Variants in TBC1D2B observed in about 807,000 individuals in gnomAD.
The protein encoded by TBC1D2B is TBC1 domain family member 2B.
TBC1D2B carries 64 observed loss-of-function variants against 100.8 expected under a neutral mutation model. The observed-to-expected ratio is 0.64, with a 90% confidence interval of 0.52 to 0.78. The LOEUF is 0.78. Ranked by LOEUF, TBC1D2B falls within the 30% of genes least tolerant of loss-of-function variation. TBC1D2B has a pLI of 0.00. For synonymous variants in TBC1D2B, 480 were observed against 479.7 expected, an observed-to-expected ratio of 1.00 and a Z score of -0.01; for missense variants, 1,052 against 1,218.4, an observed-to-expected ratio of 0.86 and a Z score of 2.03.
chr15:78,063,636 C>T (rs2073594574), intron 1 of TBC1D2B, among the ~76,000 whole-genome samples: 1 of 152,128 alleles, frequency 6.6e-6, no homozygotes, highest in African/African-American at 2.4e-5. Context: ...TCTATGATGG[C>T]CAACATGGTT....
At chr15:78,063,822 G>C (rs1000300069) in intron 1 of TBC1D2B, among the ~76,000 whole-genome samples, 7 of 152,014 alleles carry the variant, frequency 4.6e-5, no homozygotes, top group Non-Finnish European at 8.8e-5. Flanking sequence ...TCAGATTCAT[G>C]CATCCTGACA....
chr15:78,071,919 G>A (rs925502168), intron 1 of TBC1D2B, among the ~76,000 whole-genome samples: 8 of 152,316 alleles, frequency 5.3e-5, no homozygotes, highest in African/African-American at 1.9e-4. Context: ...TGGTCAATTT[G>A]GTTCCTGGCG....
chr15:78,019,336 T>A (rs1404966806), intron 6 of TBC1D2B, among the ~76,000 whole-genome samples: 3 of 152,058 alleles, frequency 2.0e-5, no homozygotes, highest in African/African-American at 7.2e-5. Context: ...ATTTTTGAGG[T>A]GAAGAATTGA....
In TBC1D2B at chr15:78,013,209, G is replaced by A. The variant is rs1189755902; in HGVS notation, c.1884C>T (p.Asn628=). The change falls in exon 9 of 13, where the codon AAC becomes AAT. Residue 628 remains asparagine (N), a synonymous_variant. Coordinates refer to ENST00000300584, the MANE Select transcript of TBC1D2B (RefSeq NM_144572.2). ...ACTTGACCCCAGTGGAGACTTCCTG[G>A]TTTTCTGTGAGGTAGAGAGTCTTCA... ...LDLKTLYLTE[N]QEVSTGVKWE... 6.2e-7 allele frequency: 1 copy of A among 1,613,930 alleles called. No homozygotes were observed. Among genetic ancestry groups the A allele is most frequent in the Non-Finnish European group, 8.5e-7 (1 of 1,179,886 alleles).
At chr15:78,043,498 C>G (rs1403543915) in intron 3 of TBC1D2B, among the ~76,000 whole-genome samples, 1 of 152,140 alleles carries the variant, frequency 6.6e-6, no homozygotes, top group Non-Finnish European at 1.5e-5. Flanking sequence ...CTCTTGGCCT[C>G]AAGTGATTTT....
chr15:78,023,291 G>T lies in TBC1D2B; in HGVS notation c.1470+865C>A, dbSNP rs2072562226. ...AGACCAGTAGCTACAGACATGTCTG[G>T]GGTCTGCTGGGGTCAAACAGGCTAT... On this transcript the variant is annotated intron_variant, in intron 6 of 12. Coordinates refer to ENST00000300584, the MANE Select transcript of TBC1D2B (RefSeq NM_144572.2). Among the ~76,000 whole-genome samples, 2 of 152,122 alleles carry T rather than the reference G, an allele frequency of 1.3e-5. 1 individual carries two copies. Among genetic ancestry groups the T allele is most frequent in the South Asian group, 4.1e-4 (2 of 4,824 alleles).
At chr15:78,050,501 A>G (rs2073291560) in intron 2 of TBC1D2B, among the ~76,000 whole-genome samples, 1 of 152,242 alleles carries the variant, frequency 6.6e-6, no homozygotes, top group African/African-American at 2.4e-5. Context: ...TGCTAGACAT[A>G]CATCCTGTAA....
intron 1 of TBC1D2B, among the ~76,000 whole-genome samples, chr15:78,071,380 T>C (rs1405872363): frequency 1.3e-5 from 2 of 152,238 alleles, no homozygotes; most frequent in Non-Finnish European, 2.9e-5. Flanking sequence ...GCTATACTCA[T>C]TCTGTGGTTG....
At chr15:78,029,953 T>G in intron 4 of TBC1D2B, 54 bp downstream of exon 4, 1 of 1,452,902 alleles carries the variant, frequency 6.9e-7, no homozygotes, top group South Asian at 1.4e-5. Context: ...ACATCACTGG[T>G]GGTTAACAGA....
chr15:78,024,117 C>A lies in TBC1D2B; in HGVS notation c.1470+39G>T, dbSNP rs371322780. 14 of 1,567,496 alleles carry A rather than the reference C, an allele frequency of 8.9e-6. No homozygotes were observed. In the African/African-American group the frequency reaches 1.3e-4, roughly 15 times the overall value. ...AGGCCTCTGGGGTGACATCGGTGGT[C>A]TCTCATGCCAATCACCAGAGCCCCT... is the stretch of plus-strand genomic sequence containing the variant. On this transcript the variant is annotated intron_variant, in intron 6 of 12. Coordinates refer to ENST00000300584, the MANE Select transcript of TBC1D2B (RefSeq NM_144572.2).
At chr15:78,060,911 C>G (rs1464959639) in intron 1 of TBC1D2B, among the ~76,000 whole-genome samples, 5 of 151,870 alleles carry the variant, frequency 3.3e-5, no homozygotes, top group Non-Finnish European at 5.9e-5. Flanking sequence ...CAGTGAAACT[C>G]TGTCTCAAAA....
intron 1 of TBC1D2B, among the ~76,000 whole-genome samples, chr15:78,063,078 T>C (rs759187650): frequency 6.6e-6 from 1 of 152,230 alleles, no homozygotes; most frequent in African/African-American, 2.4e-5. Context: ...TGGCACAAAG[T>C]ACTCATTAGG....
intron 4 of TBC1D2B, among the ~76,000 whole-genome samples, chr15:78,028,049 A>T (rs1012432741): frequency 6.6e-6 from 1 of 152,240 alleles, no homozygotes; most frequent in African/African-American, 2.4e-5. Flanking sequence ...TTACTCTCGC[A>T]ATAAAGGTTT....
Position 78,054,180 on chromosome 15 carries a change from T to A in TBC1D2B, c.368A>T (p.Asn123Ile). 6.2e-7 allele frequency: 1 copy of A among 1,609,698 alleles called. No individual in the cohort carries two copies. The highest frequency in any genetic ancestry group is 8.5e-7 in the Non-Finnish European group (1 of 1,178,670). The change falls in exon 2 of 13, where the codon AAT (asparagine) becomes ATT (isoleucine). Residue 123 changes from asparagine to isoleucine, a missense_variant. By Grantham distance (149) the Asn-to-Ile change is moderately radical (BLOSUM62 -3). Coordinates refer to ENST00000300584, the MANE Select transcript of TBC1D2B (RefSeq NM_144572.2). ...AGAVTVLKAPNRQLMTYWLQE... is the reference protein window; with the variant it reads ...AGAVTVLKAPIRQLMTYWLQE... ...TAACCAGTAAGTCATGAGTTGACGA[T>A]TGGGAGCCTAGAAAGAGGGAGGGGA...
chr15:78,033,434 T>C (rs896942919), intron 3 of TBC1D2B, among the ~76,000 whole-genome samples: 5 of 152,206 alleles, frequency 3.3e-5, no homozygotes, highest in East Asian at 1.9e-4. Context: ...TCCATTTATA[T>C]AAAAATTTTT....
chr15:78,057,032 C>G (rs2073439579), intron 1 of TBC1D2B, among the ~76,000 whole-genome samples: 1 of 152,198 alleles, frequency 6.6e-6, no homozygotes, highest in African/African-American at 2.4e-5. Context: ...GCTAGAGAAG[C>G]TGGCACATAC....
chr15:78,068,077 G>A (rs2073687377), intron 1 of TBC1D2B, among the ~76,000 whole-genome samples: 1 of 152,072 alleles, frequency 6.6e-6, no homozygotes, highest in Non-Finnish European at 1.5e-5. Flanking sequence ...ATGGAGAAGT[G>A]CCAGACTTCT....
intron 8 of TBC1D2B, among the ~76,000 whole-genome samples, chr15:78,015,017 C>T (rs1331877356): frequency 2.0e-5 from 3 of 152,052 alleles, no homozygotes; most frequent in Admixed American, 6.5e-5. Context: ...CTGGCTAACA[C>T]GGTGAAACCC....
At chr15:78,068,383 C>CCACACACACACCCA (rs2073693825) in intron 1 of TBC1D2B, among the ~76,000 whole-genome samples, 1 of 143,012 alleles carries the variant, frequency 7.0e-6, no homozygotes, top group Admixed American at 7.0e-5. Flanking sequence ...CACACCACAC[C>CCACACACACACCCA]CACACACACA....
Sources: gnomAD v4.1 joint callset for allele counts (sites outside exome capture counted in the v4.1 genomes callset) on GRCh38, gnomAD v4.1.1 for gene constraint, MANE v1.5 for transcripts, NCBI Gene and HGNC (gene_info 2026-07-23, HGNC 2026-07-21) for gene names.